The following RPA1 variants were observed in gnomAD, a reference collection of about 807,000 sequenced individuals.
The protein encoded by RPA1 is replication protein A1, also known as replication protein A 70 kDa DNA-binding subunit.
Under a neutral mutation model 83.0 loss-of-function variants are expected in RPA1, and 49 were observed. The observed-to-expected ratio is 0.59, with a 90% confidence interval of 0.47 to 0.75. RPA1 has a LOEUF of 0.75. Ranked by LOEUF, RPA1 falls within the 30% of genes least tolerant of loss-of-function variation. The pLI, the probability that RPA1 is intolerant of heterozygous loss-of-function variation, is 0.00. For missense variants in RPA1, 693 were observed against 776.1 expected (o/e 0.89, Z 1.27); for synonymous variants, 279 against 281.8 (o/e 0.99, Z 0.10).
intron 1 of RPA1, among the ~76,000 whole-genome samples, chr17:1,842,122 G>A (rs775018176): frequency 1.3e-5 from 2 of 151,966 alleles, no homozygotes; most frequent in African/African-American, 2.4e-5. Flanking sequence ...CTCCCAAAGT[G>A]CTAGGATTAT....
At position 1,844,621 on chromosome 17, in the gene RPA1, A is replaced by G. The variant is rs776061345; in HGVS notation, c.207A>G (p.Glu69=). 1 of 1,613,858 alleles carries G rather than the reference A, an allele frequency of 6.2e-7. No individual in the cohort carries two copies. Among genetic ancestry groups the G allele is most frequent in the Non-Finnish European group, 8.5e-7 (1 of 1,179,924 alleles). Residue 69 remains glutamate, a synonymous_variant, in exon 4 of 17, where the codon GAA becomes GAG. Coordinates refer to ENST00000254719, the MANE Select transcript of RPA1 (RefSeq NM_002945.5). ...ATQLNPLVEE[E]QLSSNCVCQI... is the part of the protein sequence containing the mutation. Reference sequence around the variant, plus strand: ...AGTTGAACCCTCTCGTGGAGGAAGAACAATTGTCCAGCAACTGTGTATGCC... The same window carrying G: ...AGTTGAACCCTCTCGTGGAGGAAGAGCAATTGTCCAGCAACTGTGTATGCC...
chr17:1,880,028 T>C (rs945716856), intron 11 of RPA1, among the ~76,000 whole-genome samples: 8 of 145,422 alleles, frequency 5.5e-5, no homozygotes, highest in African/African-American at 1.8e-4. Context: ...GGGCGTCTGT[T>C]CCTATAGGAT....
At position 1,897,660 on chromosome 17, in the gene RPA1, GCTCT is replaced by G. The variant is rs758952265; in HGVS notation, c.*490_*493del. 1.8e-5 allele frequency: 3 copies of G among 162,222 alleles called. No homozygotes were observed. Among genetic ancestry groups the G allele is most frequent in the African/African-American group, 7.2e-5 (3 of 41,458 alleles). The allele number at this position is 162,222 out of a possible 1,614,324, so 10.0% of individuals were successfully genotyped here. On this transcript the variant is annotated 3_prime_UTR_variant, in exon 17 of 17. Coordinates refer to ENST00000254719, the MANE Select transcript of RPA1 (RefSeq NM_002945.5). ...AAGTGTGTCTTCCTAGAATTCGAAG[GCTCT>G]CTCTTTCTAGAGGTGCTACATAGTT... is the stretch of plus-strand genomic sequence containing the variant.
In RPA1 at chr17:1,879,568, G is replaced by A. The variant is rs771469670; in HGVS notation, c.961G>A (p.Gly321Arg). 2.5e-6 allele frequency: 4 copies of A among 1,614,160 alleles called. No individual in the cohort carries two copies. The highest frequency in any genetic ancestry group is 1.1e-5 in the South Asian group (1 of 91,080). ...ACGTGCATGTGTTTTAGACATCATC[G>A]GGATCTGCAAGAGCTATGAAGACGC... ...KSKDSLVDII[G>R]ICKSYEDATK... Residue 321 changes from glycine (G) to arginine (R), a missense_variant, in exon 11 of 17, where the codon GGG becomes AGG. Transcript: ENST00000254719.
intron 1 of RPA1, among the ~76,000 whole-genome samples, chr17:1,837,165 T>TG (rs1441491135): frequency 6.6e-6 from 1 of 152,074 alleles, no homozygotes; most frequent in Non-Finnish European, 1.5e-5. Flanking sequence ...GATGGAGTCT[T>TG]GGTGTGTTGT....
At chr17:1,863,597 C>CAAT (rs1913069368) in intron 5 of RPA1, among the ~76,000 whole-genome samples, 1 of 152,184 alleles carries the variant, frequency 6.6e-6, no homozygotes, top group Non-Finnish European at 1.5e-5. Context: ...TCAGGTAATC[C>CAAT]ACCTGCCTCG....
rs116339970 is a variant in RPA1, at chr17:1,853,403, G to A, written c.361+214G>A. Among the ~76,000 whole-genome samples, 1,617 of 152,214 alleles carry A rather than the reference G, an allele frequency of 0.011. 32 individuals carry two copies. Among genetic ancestry groups the A allele is most frequent in the African/African-American group, 0.037 (1,547 of 41,540 alleles). On this transcript the variant is annotated intron_variant, in intron 5 of 16. Coordinates refer to ENST00000254719, the MANE Select transcript of RPA1 (RefSeq NM_002945.5). Reference sequence around the variant, plus strand: ...TTAGAAAGCAATGGACAAACGGGTTGGGTGCACGGTGGCTCACACCTGTAA... The same window carrying A: ...TTAGAAAGCAATGGACAAACGGGTTAGGTGCACGGTGGCTCACACCTGTAA...
chr17:1,847,562 G>T (rs1298688825), intron 4 of RPA1, among the ~76,000 whole-genome samples: 1 of 152,132 alleles, frequency 6.6e-6, no homozygotes, highest in East Asian at 1.9e-4. Context: ...TGCTTTTTTG[G>T]TGATCATTCA....
chr17:1,894,950 C>A (rs1412972081), intron 15 of RPA1, 59 bp from the exon 16 acceptor site: 5 of 1,354,960 alleles, frequency 3.7e-6, no homozygotes, highest in Non-Finnish European at 5.2e-6. Context: ...AAAGTCTTAT[C>A]AGTATTTGCA....
At chr17:1,856,266 G>A (rs1237735143) in intron 5 of RPA1, among the ~76,000 whole-genome samples, 1 of 151,334 alleles carries the variant, frequency 6.6e-6, no homozygotes, top group East Asian at 1.9e-4. Context: ...TGGCACCAGT[G>A]CACTCTAGCC....
At chr17:1,874,121 G>A (rs538411507) in intron 6 of RPA1, among the ~76,000 whole-genome samples, 2 of 149,234 alleles carry the variant, frequency 1.3e-5, no homozygotes, top group Non-Finnish European at 3.0e-5. Flanking sequence ...ATTTCCTTAG[G>A]CTTATATACA....
chr17:1,835,009 G>A (rs370528408), intron 1 of RPA1, among the ~76,000 whole-genome samples: 1 of 151,886 alleles, frequency 6.6e-6, no homozygotes, highest in Non-Finnish European at 1.5e-5. Context: ...GCGCCACCAC[G>A]CCCAGCTAAT....
intron 16 of RPA1, among the ~76,000 whole-genome samples, chr17:1,895,334 T>C (rs754499829): frequency 8.1e-5 from 12 of 148,454 alleles, no homozygotes; most frequent in Non-Finnish European, 1.2e-4. Context: ...TTTTTTTGTT[T>C]GTTTATTTTT....
intron 4 of RPA1, among the ~76,000 whole-genome samples, chr17:1,850,148 G>C (rs975632829): frequency 2.0e-5 from 3 of 151,198 alleles, no homozygotes; most frequent in African/African-American, 7.3e-5. Context: ...CTCTAGCCTG[G>C]GCGACAGGGC....
intron 1 of RPA1, among the ~76,000 whole-genome samples, chr17:1,837,155 G>A (rs35247618): frequency 0.34 from 51,192 of 151,898 alleles, 10,598 homozygotes; most frequent in Non-Finnish European, 0.48. Flanking sequence ...TTTTTGTAGC[G>A]ATGGAGTCTT....
intron 1 of RPA1, among the ~76,000 whole-genome samples, chr17:1,832,878 T>A (rs1911675466): frequency 6.6e-6 from 1 of 152,198 alleles, no homozygotes; most frequent in African/African-American, 2.4e-5. Context: ...TGCAGTTTTA[T>A]GTTTGTTGAT....
At position 1,899,995 on chromosome 17, in the gene RPA1, C is replaced by A. The variant is rs780812951; in HGVS notation, c.*2820C>A. ...GTAGAGTTCTGGCTTTTATAAACAC[C>A]TTTGGAAGTCATCGGTTCCTCAAAA... On this transcript the variant is annotated 3_prime_UTR_variant, in exon 17 of 17. Transcript: ENST00000254719. 1 of 152,068 alleles carries A rather than the reference C, an allele frequency of 6.6e-6. No homozygotes were observed. The highest frequency in any genetic ancestry group is 1.5e-5 in the Non-Finnish European group (1 of 68,042). 9.4% of individuals were successfully genotyped at this position (152,068 alleles called of 1,614,324 possible). A position where few individuals can be genotyped will look rare whatever the true frequency, so the allele number is the denominator to read the frequency against.
chr17:1,831,458 C>T (rs1911577322), intron 1 of RPA1, among the ~76,000 whole-genome samples: 1 of 152,112 alleles, frequency 6.6e-6, no homozygotes, highest in Non-Finnish European at 1.5e-5. Context: ...GAGCTGCTGA[C>T]TTCCACTCAG....
At chr17:1,879,457 AGT>A (rs758812326) in intron 10 of RPA1, 50 bp downstream of exon 10, 2 of 1,610,942 alleles carry the variant, frequency 1.2e-6, no homozygotes, top group Non-Finnish European at 1.7e-6. Flanking sequence ...CTTTCTTTGC[AGT>A]GTACGGGGTG....
Sources: allele counts gnomAD v4.1 joint callset (sites outside exome capture counted in the v4.1 genomes callset), GRCh38; gene constraint gnomAD v4.1.1; transcripts MANE v1.5; gene names NCBI Gene and HGNC (gene_info 2026-07-23, HGNC 2026-07-21).